The following KCNMB2 variants were observed in gnomAD, a reference collection of about 807,000 sequenced individuals.
The protein encoded by KCNMB2 is calcium-activated potassium channel subunit beta-2.
In KCNMB2, 9 loss-of-function variants were observed where a neutral mutation model predicts 24.5. The ratio of observed to expected loss-of-function variants is 0.37; its 90% CI spans 0.22 to 0.64. The LOEUF is 0.64. KCNMB2 is among the 30% of genes least tolerant of loss of function. KCNMB2 has a pLI of 0.63. For synonymous variants in KCNMB2, 109 were observed against 104.4 expected, an observed-to-expected ratio of 1.04 and a Z score of -0.27; for missense variants, 226 against 284.3, an observed-to-expected ratio of 0.79 and a Z score of 1.47.
chr3:178,587,226 G>T (rs1188934355), intron 1 of KCNMB2, among the ~76,000 whole-genome samples: 1 of 151,426 alleles, frequency 6.6e-6, no homozygotes, highest in Non-Finnish European at 1.5e-5. Context: ...CAATCTACTA[G>T]GAAAAATCTT....
At chr3:178,818,935 C>T (rs1300748289) in intron 2 of KCNMB2, among the ~76,000 whole-genome samples, 1 of 140,544 alleles carries the variant, frequency 7.1e-6, no homozygotes, top group Non-Finnish European at 1.5e-5. Context: ...GATACTCTTC[C>T]TTTCTCAATC....
At chr3:178,630,256 C>T (rs1719269034) in intron 1 of KCNMB2, among the ~76,000 whole-genome samples, 1 of 152,222 alleles carries the variant, frequency 6.6e-6, no homozygotes. Context: ...CCTTCTCCCA[C>T]AATTTCCAGC....
chr3:178,555,321 A>G (rs1183783919), intron 1 of KCNMB2, among the ~76,000 whole-genome samples: 1 of 152,222 alleles, frequency 6.6e-6, no homozygotes, highest in Non-Finnish European at 1.5e-5. Context: ...CACCCAATTT[A>G]GTCTAATGGA....
At chr3:178,768,045 T>G (rs1712195955) in intron 1 of KCNMB2, among the ~76,000 whole-genome samples, 1 of 152,040 alleles carries the variant, frequency 6.6e-6, no homozygotes, top group African/African-American at 2.4e-5. Flanking sequence ...AGGAAAGATA[T>G]CTTCCCCCAC....
chr3:178,710,232 G>C (rs138029805), intron 1 of KCNMB2, among the ~76,000 whole-genome samples: 2 of 152,128 alleles, frequency 1.3e-5, no homozygotes, highest in Non-Finnish European at 2.9e-5. Flanking sequence ...CAAGCCACTG[G>C]AGTCAAGCAG....
At chr3:178,608,973 T>C (rs924067802) in intron 1 of KCNMB2, among the ~76,000 whole-genome samples, 1 of 152,194 alleles carries the variant, frequency 6.6e-6, no homozygotes, top group African/African-American at 2.4e-5. Flanking sequence ...ATCTCTTCAA[T>C]ATACTGATTT....
rs200839789 is a variant in KCNMB2 at position 178,539,715 on chromosome 3, AAGAG to A, written c.-68+3015_-68+3018del. ...AACTCAGGTTTCTGAAAAAAGGGGAAAGAGAGAGAGAGAGTGTGTGTGTGCGTGT... is the reference window on the plus strand; with the variant it reads ...AACTCAGGTTTCTGAAAAAAGGGGAAAGAGAGAGAGTGTGTGTGTGCGTGT... On this transcript the variant is annotated intron_variant, in intron 1 of 4. Coordinates refer to ENST00000452583, the MANE Select transcript of KCNMB2 (RefSeq NM_181361.3). 3.6e-4 allele frequency among the ~76,000 whole-genome samples: 54 copies of A among 151,646 alleles called. No individual in the cohort carries two copies. The South Asian group carries it at 0.011, about 30-fold the overall frequency.
chr3:178,766,139 A>T lies in KCNMB2; in HGVS notation c.-67-41204A>T, dbSNP rs117553076. On this transcript the variant is annotated intron_variant, in intron 1 of 4. Coordinates refer to ENST00000452583, the MANE Select transcript of KCNMB2 (RefSeq NM_181361.3). ...CACCTCCTATAGGAAGCCTTCCCTT[A>T]TGTTCCCAGAAGAAAAAGAGATATA... Among the ~76,000 whole-genome samples, 621 of 152,208 alleles carry T rather than the reference A, an allele frequency of 4.1e-3. 11 individuals carry two copies. Among genetic ancestry groups the T allele is most frequent in the Admixed American group, 0.035 (538 of 15,274 alleles).
chr3:178,678,450 A>T (rs1425842637), intron 1 of KCNMB2, among the ~76,000 whole-genome samples: 1 of 152,232 alleles, frequency 6.6e-6, no homozygotes, highest in Non-Finnish European at 1.5e-5. Context: ...GAGACATAAA[A>T]ATAAGAGGAA....
At chr3:178,780,901 A>G (rs528657959) in intron 1 of KCNMB2, among the ~76,000 whole-genome samples, 2 of 152,320 alleles carry the variant, frequency 1.3e-5, no homozygotes, top group East Asian at 1.9e-4. Flanking sequence ...TAAAATTTAT[A>G]TACTGACAGA....
At chr3:178,796,955 A>C (rs963593444) in intron 1 of KCNMB2, among the ~76,000 whole-genome samples, 18 of 152,080 alleles carry the variant, frequency 1.2e-4, no homozygotes, top group African/African-American at 4.1e-4. Context: ...ATGAAACAAA[A>C]AGTTGGTTTT....
intron 1 of KCNMB2, among the ~76,000 whole-genome samples, chr3:178,672,288 AG>A (rs1428318543): frequency 6.6e-6 from 1 of 152,154 alleles, no homozygotes; most frequent in South Asian, 2.1e-4. Flanking sequence ...AGGAGGTAGT[AG>A]GGGGTAATGT....
intron 1 of KCNMB2, among the ~76,000 whole-genome samples, chr3:178,732,130 T>C (rs910038610): frequency 1.3e-5 from 2 of 152,040 alleles, no homozygotes; most frequent in Non-Finnish European, 2.9e-5. Context: ...ATTTAAGAAA[T>C]ATAGAAAAAA....
intron 1 of KCNMB2, among the ~76,000 whole-genome samples, chr3:178,754,150 G>GTGTATATATATATATATA (rs1553773711): frequency 1.3e-4 from 14 of 106,276 alleles, no homozygotes; most frequent in African/African-American, 5.3e-4. Context: ...ATATTCCATT[G>GTGTATATATATATATATA]TATATATATA....
At chr3:178,684,028 T>G (rs1414881652) in intron 1 of KCNMB2, among the ~76,000 whole-genome samples, 1 of 152,118 alleles carries the variant, frequency 6.6e-6, no homozygotes, top group Non-Finnish European at 1.5e-5. Flanking sequence ...GAGGAAAGGA[T>G]CACCACTTTG....
intron 1 of KCNMB2, among the ~76,000 whole-genome samples, chr3:178,747,790 ACT>A (rs1441165760): frequency 1.3e-5 from 2 of 151,974 alleles, no homozygotes; most frequent in Non-Finnish European, 2.9e-5. Flanking sequence ...CTCATGTTTC[ACT>A]CTGTTTCCTA....
At chr3:178,588,338 A>G (rs1403317752) in intron 1 of KCNMB2, among the ~76,000 whole-genome samples, 1 of 152,160 alleles carries the variant, frequency 6.6e-6, no homozygotes, top group African/African-American at 2.4e-5. Context: ...AATTCATTCA[A>G]CTAGTGGGAG....
chr3:178,628,037 C>A (rs1380834248), intron 1 of KCNMB2, among the ~76,000 whole-genome samples: 1 of 152,152 alleles, frequency 6.6e-6, no homozygotes, highest in Non-Finnish European at 1.5e-5. Context: ...AAGAAAATGA[C>A]TTCACTCTAA....
chr3:178,838,379 A>C (rs901294884), intron 4 of KCNMB2, among the ~76,000 whole-genome samples: 1 of 152,118 alleles, frequency 6.6e-6, no homozygotes, highest in African/African-American at 2.4e-5. Flanking sequence ...TCTCTGCTCT[A>C]CTCACCTATA....
Sources: allele counts gnomAD v4.1 joint callset (sites outside exome capture counted in the v4.1 genomes callset), GRCh38; gene constraint gnomAD v4.1.1; transcripts MANE v1.5; gene names NCBI Gene and HGNC (gene_info 2026-07-23, HGNC 2026-07-21).